Variants in MTMR1 observed in about 807,000 individuals in gnomAD.
MTMR1 encodes the protein myotubularin related protein 1, also known as phosphatidylinositol-3-phosphate phosphatase MTMR1.
In MTMR1, 17 loss-of-function variants were observed where a neutral mutation model predicts 51.6. The ratio of observed to expected loss-of-function variants is 0.33; its 90% CI spans 0.23 to 0.49. The LOEUF (loss-of-function observed/expected upper bound fraction) is 0.49. MTMR1 is among the 20% of genes least tolerant of loss of function. The pLI is 0.99. For synonymous variants in MTMR1, 201 were observed against 205.6 expected (o/e 0.98, Z 0.19); for missense variants, 386 against 526.9 (o/e 0.73, Z 2.62).
At position 150,693,591 on chromosome X, in the gene MTMR1, G is replaced by C. The variant is rs2040553934; in HGVS notation, c.61G>C (p.Gly21Arg). Residue 21 changes from glycine (G) to arginine (R), a missense_variant, in exon 1 of 16, where the codon GGG becomes CGG. Physicochemically the swap from Gly to Arg is moderately radical, Grantham distance 125 (BLOSUM62 -2). Coordinates refer to ENST00000445323, the MANE Select transcript of MTMR1 (RefSeq NM_001306144.3). Reference sequence around the variant, plus strand: ...CGAGGGCGGCGGGGGCCCGAACCCGGGGCCGGCGGGCGGCAGGAGGCCTCC... The same window carrying C: ...CGAGGGCGGCGGGGGCCCGAACCCGCGGCCGGCGGGCGGCAGGAGGCCTCC... ...GCEGGGGPNP[G>R]PAGGRRPPRA... 1.3e-6 allele frequency: 1 copy of C among 757,693 alleles called. No individual in the cohort carries two copies. The highest frequency in any genetic ancestry group is 8.6e-5 in the Admixed American group (1 of 11,628). The allele number at this position is 757,693 out of a possible 1,213,427, so 62.4% of individuals were successfully genotyped here.
chrX:150,758,313 C>T (rs1258391126), intron 15 of MTMR1, among the ~76,000 whole-genome samples: 2 of 111,135 alleles, frequency 1.8e-5, no homozygotes, highest in Non-Finnish European at 1.9e-5. Context: ...TACCTACTCT[C>T]CCCGCCTCAG....
chrX:150,713,442 G>A (rs142094714), intron 3 of MTMR1, among the ~76,000 whole-genome samples: 5,113 of 111,740 alleles, frequency 0.046, 177 homozygotes, highest in African/African-American at 0.11. Flanking sequence ...AGTACATTAA[G>A]GAGTTATTGT....
At chrX:150,724,138 C>T (rs1359339547) in intron 4 of MTMR1, among the ~76,000 whole-genome samples, 1 of 111,506 alleles carries the variant, frequency 9.0e-6, no homozygotes, top group African/African-American at 3.3e-5. Context: ...CTATTTTTAG[C>T]TCCTTGAGGA....
intron 3 of MTMR1, among the ~76,000 whole-genome samples, chrX:150,715,197 G>A (rs952042456): frequency 2.1e-4 from 24 of 111,974 alleles, no homozygotes; most frequent in African/African-American, 7.8e-4. Flanking sequence ...AGCCCAGTTT[G>A]AAAGCCACTG....
At position 150,697,229 on chromosome X, in the gene MTMR1, A is replaced by G. The variant is rs2040710556; in HGVS notation, c.147-1966A>G. 8.0e-5 allele frequency among the ~76,000 whole-genome samples: 9 copies of G among 112,211 alleles called. No individual in the cohort carries two copies. The Admixed American group carries it at 8.4e-4, about 11-fold the overall frequency. On this transcript the variant is annotated intron_variant, in intron 1 of 15. Coordinates refer to ENST00000445323, the MANE Select transcript of MTMR1 (RefSeq NM_001306144.3). ...CCCTCAGGTCGAAATTGTGGTATAT[A>G]GATTCCTGGCATGTGATAGGAATTT...
At chrX:150,701,415 T>C (rs2040902422) in intron 2 of MTMR1, among the ~76,000 whole-genome samples, 1 of 112,179 alleles carries the variant, frequency 8.9e-6, no homozygotes, top group African/African-American at 3.2e-5. Flanking sequence ...TATTTGAAAT[T>C]ATCTGTTGTG....
At chrX:150,694,057 T>G (rs1253897095) in intron 1 of MTMR1, among the ~76,000 whole-genome samples, 1 of 111,748 alleles carries the variant, frequency 8.9e-6, no homozygotes. Flanking sequence ...ACCCGGGCTC[T>G]CCTCTTCTAG....
chrX:150,700,092 T>C (rs975494335), intron 2 of MTMR1, among the ~76,000 whole-genome samples: 17 of 112,544 alleles, frequency 1.5e-4, no homozygotes, highest in African/African-American at 4.8e-4. Flanking sequence ...AGTGGTCATT[T>C]TTCCTGCTAG....
chrX:150,765,042 T>TATG lies in MTMR1; in HGVS notation c.*2320_*2322dup, dbSNP rs2043259334. The TATG allele has an allele frequency of 1.8e-5, 2 of 110,128 alleles. No individual in the cohort carries two copies. The highest frequency in any genetic ancestry group is 9.6e-5 in the Admixed American group (1 of 10,441). The allele number at this position is 110,128 out of a possible 1,213,427, so 9.1% of individuals were successfully genotyped here. A position where few individuals can be genotyped will look rare whatever the true frequency, so the allele number is the denominator to read the frequency against. ...TACTGTGCGTCAAGCACAGTTAATA[T>TATG]ATGATGATGTAAAGTAACTAACTTT... On this transcript the variant is annotated 3_prime_UTR_variant, in exon 16 of 16. Transcript: ENST00000445323.
chrX:150,741,913 C>T (rs992276749), intron 12 of MTMR1, among the ~76,000 whole-genome samples: 2 of 112,405 alleles, frequency 1.8e-5, no homozygotes, highest in South Asian at 3.7e-4. Context: ...GAAAATTAAA[C>T]GTGGAACTAC....
At chrX:150,752,624 G>GT (rs782406235) in intron 14 of MTMR1, among the ~76,000 whole-genome samples, 1,182 of 57,348 alleles carry the variant, frequency 0.021, 24 homozygotes, top group East Asian at 0.073. Context: ...GCTTTATCTT[G>GT]TTTTTTTTTT....
intron 4 of MTMR1, among the ~76,000 whole-genome samples, chrX:150,720,956 A>T (rs1557416564): frequency 9.0e-6 from 1 of 111,420 alleles, no homozygotes; most frequent in Non-Finnish European, 1.9e-5. Context: ...GCCCTTTATC[A>T]TGTTGAGGGA....
rs782418572 is a variant in MTMR1 at position 150,764,229 on chromosome X, C to T, written c.*1500C>T. ...TTTGAAAATATGTTAAGGGTTTTTT[C>T]GTAGAGAGAGAAAGAATGGATTTTT... is the stretch of plus-strand genomic sequence containing the variant. On this transcript the variant is annotated 3_prime_UTR_variant, in exon 16 of 16. Coordinates refer to ENST00000445323, the MANE Select transcript of MTMR1 (RefSeq NM_001306144.3). The T allele has an allele frequency of 2.0e-4, 22 of 112,284 alleles. No homozygotes were observed. The highest frequency in any genetic ancestry group is 7.1e-4 in the African/African-American group (22 of 30,951). 9.3% of individuals were successfully genotyped at this position (112,284 alleles called of 1,213,427 possible).
chrX:150,706,800 A>G (rs1188071118), intron 2 of MTMR1, among the ~76,000 whole-genome samples: 1 of 112,138 alleles, frequency 8.9e-6, no homozygotes. Context: ...AGTAGCTGAA[A>G]CAATTTTGAA....
At chrX:150,745,699 C>A (rs2042558979) in intron 13 of MTMR1, among the ~76,000 whole-genome samples, 1 of 112,001 alleles carries the variant, frequency 8.9e-6, no homozygotes, top group Admixed American at 9.4e-5. Context: ...CACAGCCAGC[C>A]CCTGGGAACC....
At chrX:150,729,706 A>G (rs565672944) in intron 6 of MTMR1, among the ~76,000 whole-genome samples, 2 of 112,395 alleles carry the variant, frequency 1.8e-5, no homozygotes, top group East Asian at 5.6e-4. Context: ...ATGAGAATGT[A>G]TGTATAGTCC....
chrX:150,706,151 C>A (rs2041093568), intron 2 of MTMR1, among the ~76,000 whole-genome samples: 1 of 111,475 alleles, frequency 9.0e-6, no homozygotes, highest in African/African-American at 3.3e-5. Flanking sequence ...TAGAGCAAAC[C>A]TGCTAGCTCA....
chrX:150,710,177 A>G (rs2041257966), intron 2 of MTMR1, among the ~76,000 whole-genome samples: 1 of 111,360 alleles, frequency 9.0e-6, no homozygotes, highest in South Asian at 3.8e-4. Context: ...GTTTAATGAT[A>G]GAGGCGCCAT....
chrX:150,715,821 T>C (rs1407997740), intron 3 of MTMR1, among the ~76,000 whole-genome samples: 6 of 112,826 alleles, frequency 5.3e-5, no homozygotes, highest in Non-Finnish European at 9.4e-5. Context: ...GATTTATCAA[T>C]TAGAGGTTTG....
Sources: gnomAD v4.1 joint callset for allele counts (sites outside exome capture counted in the v4.1 genomes callset) on GRCh38, gnomAD v4.1.1 for gene constraint, MANE v1.5 for transcripts, NCBI Gene and HGNC (gene_info 2026-07-23, HGNC 2026-07-21) for gene names.